The following HERPUD2 variants were observed in gnomAD, a reference collection of about 807,000 sequenced individuals.
HERPUD2 encodes the protein HERPUD family member 2, also known as homocysteine-responsive endoplasmic reticulum-resident ubiquitin-like domain member 2 protein.
In HERPUD2, 13 loss-of-function variants were observed where a neutral mutation model predicts 49.9. The observed-to-expected ratio is 0.26, with a 90% CI of 0.17 to 0.41. HERPUD2 has a LOEUF of 0.41. HERPUD2 is among the 10% of genes least tolerant of loss of function. The probability of loss-of-function intolerance (pLI) is 1.00; values close to 1 mark genes in which losing one functional copy is unlikely to be tolerated. For synonymous variants in HERPUD2, 172 were observed against 171.4 expected (o/e 1.00, Z -0.03); for missense variants, 449 against 492.2 (o/e 0.91, Z 0.83).
chr7:35,678,017 C>A (rs1785802988), intron 2 of HERPUD2, among the ~76,000 whole-genome samples: 1 of 152,118 alleles, frequency 6.6e-6, no homozygotes, highest in South Asian at 2.1e-4. Flanking sequence ...TAGAACAGAA[C>A]ACAAAGCCTA....
chr7:35,658,806 T>C (rs1190925020), intron 5 of HERPUD2, among the ~76,000 whole-genome samples: 4 of 152,204 alleles, frequency 2.6e-5, no homozygotes, highest in African/African-American at 7.2e-5. Context: ...AAATGGAACT[T>C]TGTAAATGAA....
At chr7:35,648,576 C>T (rs1416438655) in intron 5 of HERPUD2, among the ~76,000 whole-genome samples, 1 of 152,328 alleles carries the variant, frequency 6.6e-6, no homozygotes, top group South Asian at 2.1e-4. Context: ...CCTCTCAATG[C>T]TGCTGACCTG....
intron 3 of HERPUD2, among the ~76,000 whole-genome samples, 155 bp downstream of exon 3, chr7:35,673,046 A>G (rs1785676844): frequency 6.6e-6 from 1 of 152,176 alleles, no homozygotes; most frequent in Non-Finnish European, 1.5e-5. Flanking sequence ...ATAAGAAACT[A>G]TCATGTTACT....
Position 35,663,325 on chromosome 7 carries a change from T to C in HERPUD2, c.494+4109A>G, listed in dbSNP as rs910412565. Among the ~76,000 whole-genome samples the C allele has an allele frequency of 7.9e-5, 12 of 152,234 alleles. 1 individual carries two copies. Among genetic ancestry groups the C allele is most frequent in the African/African-American group, 2.7e-4 (11 of 41,472 alleles). ...CTGAGGAGTGCTTTACTTCCAACTATGTGGTCAATTTTGGAGTAAGTGTGA... is the reference window on the plus strand; with the variant it reads ...CTGAGGAGTGCTTTACTTCCAACTACGTGGTCAATTTTGGAGTAAGTGTGA... On this transcript the variant is annotated intron_variant, in intron 5 of 8. Coordinates refer to ENST00000311350, the MANE Select transcript of HERPUD2 (RefSeq NM_022373.5).
intron 2 of HERPUD2, among the ~76,000 whole-genome samples, chr7:35,688,903 C>A (rs1037443982): frequency 4.0e-5 from 6 of 151,894 alleles, no homozygotes; most frequent in African/African-American, 1.4e-4. Flanking sequence ...TCGGTTTCTT[C>A]ATCTATAAAG....
chr7:35,641,578 A>G (rs1355045203), intron 5 of HERPUD2, among the ~76,000 whole-genome samples: 1 of 152,238 alleles, frequency 6.6e-6, no homozygotes, highest in Non-Finnish European at 1.5e-5. Flanking sequence ...AAACTACTGC[A>G]GGTCTACAGT....
At chr7:35,645,913 T>C (rs1007217399) in intron 5 of HERPUD2, among the ~76,000 whole-genome samples, 17 of 152,330 alleles carry the variant, frequency 1.1e-4, no homozygotes, top group African/African-American at 4.1e-4. Context: ...TACATACTTT[T>C]GTTTCGTTTT....
At chr7:35,642,627 A>G (rs1190744738) in intron 5 of HERPUD2, among the ~76,000 whole-genome samples, 1 of 152,234 alleles carries the variant, frequency 6.6e-6, no homozygotes, top group African/African-American at 2.4e-5. Context: ...AAACAGTCAT[A>G]AAAGAAAATG....
chr7:35,646,089 T>C (rs1318529886), intron 5 of HERPUD2, among the ~76,000 whole-genome samples: 3 of 152,216 alleles, frequency 2.0e-5, no homozygotes, highest in African/African-American at 4.8e-5. Flanking sequence ...ACAATAAATA[T>C]GTTTTGAACA....
At chr7:35,676,137 C>T (rs1011033449) in intron 2 of HERPUD2, among the ~76,000 whole-genome samples, 3 of 152,198 alleles carry the variant, frequency 2.0e-5, no homozygotes, top group South Asian at 4.1e-4. Flanking sequence ...ATAAGGTTCA[C>T]ACACAAAATT....
chr7:35,638,547 C>G, intron 5 of HERPUD2, 75 bp from the exon 6 acceptor site: 1 of 1,405,052 alleles, frequency 7.1e-7, no homozygotes, highest in Non-Finnish European at 9.7e-7. Flanking sequence ...CATTTCTGAA[C>G]CCCAAGTCAA....
chr7:35,640,834 A>T (rs1335221893), intron 5 of HERPUD2, among the ~76,000 whole-genome samples: 6 of 152,192 alleles, frequency 3.9e-5, no homozygotes, highest in Admixed American at 1.3e-4. Flanking sequence ...CTGTTATTTA[A>T]TGCTAGGGAA....
chr7:35,685,916 G>A (rs1297086294), intron 2 of HERPUD2, among the ~76,000 whole-genome samples: 2 of 152,004 alleles, frequency 1.3e-5, no homozygotes, highest in East Asian at 4.0e-4. Flanking sequence ...AGCCAGGGTT[G>A]TGCCACTGCA....
intron 5 of HERPUD2, among the ~76,000 whole-genome samples, chr7:35,658,341 G>C (rs1416369312): frequency 6.6e-6 from 1 of 152,184 alleles, no homozygotes; most frequent in Non-Finnish European, 1.5e-5. Flanking sequence ...GCTGGGAGTG[G>C]TGGGGGTGAG....
chr7:35,673,301 G>T, intron 2 of HERPUD2, 23 bp from the exon 3 acceptor site: 1 of 1,569,492 alleles, frequency 6.4e-7, no homozygotes. Context: ...ACAAAGAAAA[G>T]AATTCAACTT....
chr7:35,693,046 C>T (rs1450892), intron 2 of HERPUD2, among the ~76,000 whole-genome samples: 60,025 of 152,062 alleles, frequency 0.39, 12,281 homozygotes, highest in South Asian at 0.56. Context: ...GTGGAGAATG[C>T]GAAAGCCTCA....
chr7:35,682,353 GTGTGTATATATATA>G lies in HERPUD2; in HGVS notation c.148-9089_148-9076del, dbSNP rs1333909098. 1.5e-4 allele frequency among the ~76,000 whole-genome samples: 4 copies of G among 27,564 alleles called. 1 individual carries two copies. The highest frequency in any genetic ancestry group is 2.5e-4 in the African/African-American group (2 of 8,084). The allele number at this position is 27,564 out of a possible 152,430, so 18.1% of individuals were successfully genotyped here. On this transcript the variant is annotated intron_variant, in intron 2 of 8. Coordinates refer to ENST00000311350, the MANE Select transcript of HERPUD2 (RefSeq NM_022373.5). The stretch of plus-strand genomic sequence containing the variant: ...TGTGTGTGTGTGTGTGTGTGTGTGT[GTGTGTATATATATA>G]TATATATATATATATATATACTTAA...
At chr7:35,641,882 T>C (rs1342723966) in intron 5 of HERPUD2, among the ~76,000 whole-genome samples, 1 of 152,092 alleles carries the variant, frequency 6.6e-6, no homozygotes, top group Non-Finnish European at 1.5e-5. Context: ...ACCTAGGCAA[T>C]ACCATTCTGG....
intron 2 of HERPUD2, among the ~76,000 whole-genome samples, chr7:35,677,152 C>T (rs2115996922): frequency 6.6e-6 from 1 of 152,304 alleles, no homozygotes; most frequent in East Asian, 1.9e-4. Flanking sequence ...ATTGCCCTTA[C>T]AATGCTTAAC....
Sources: allele counts gnomAD v4.1 joint callset (sites outside exome capture counted in the v4.1 genomes callset), GRCh38; gene constraint gnomAD v4.1.1; transcripts MANE v1.5; gene names NCBI Gene and HGNC (gene_info 2026-07-23, HGNC 2026-07-21).